ERCC6L2: variants seen among roughly 807,000 people sequenced by gnomAD.
The protein encoded by ERCC6L2 is ERCC excision repair 6 like 2, also known as DNA excision repair protein ERCC-6-like 2.
In ERCC6L2, 77 loss-of-function variants were observed where a neutral mutation model predicts 132.0. The observed-to-expected ratio is 0.58, with a 90% CI of 0.49 to 0.71. The LOEUF is 0.71. Ranked by LOEUF, ERCC6L2 falls within the 30% of genes least tolerant of loss-of-function variation. The pLI is 0.00. For synonymous variants in ERCC6L2, 583 were observed against 632.4 expected, an observed-to-expected ratio of 0.92 and a Z score of 1.17; for missense variants, 1,542 against 1,837.6, an observed-to-expected ratio of 0.84 and a Z score of 2.94.
At chr9:95,993,582 G>A (rs1350104834) in intron 17 of ERCC6L2, among the ~76,000 whole-genome samples, 2 of 152,178 alleles carry the variant, frequency 1.3e-5, no homozygotes, top group Non-Finnish European at 2.9e-5. Flanking sequence ...CTTGAACAAT[G>A]AGTCACCCCT....
At chr9:95,988,107 GC>G (rs1454347834) in intron 17 of ERCC6L2, among the ~76,000 whole-genome samples, 1 of 152,188 alleles carries the variant, frequency 6.6e-6, no homozygotes, top group African/African-American at 2.4e-5. Flanking sequence ...GGGCCTCAGG[GC>G]CTGTGATGGG....
At chr9:95,938,151 G>A (rs1830639789) in intron 11 of ERCC6L2, among the ~76,000 whole-genome samples, 1 of 151,610 alleles carries the variant, frequency 6.6e-6, no homozygotes, top group Non-Finnish European at 1.5e-5. Flanking sequence ...CTCCTGAAAT[G>A]TATTGCTAGT....
chr9:96,004,740 T>A lies in ERCC6L2; in HGVS notation c.3674+39T>A, dbSNP rs529342722. 2.4e-6 allele frequency: 3 copies of A among 1,230,258 alleles called. No individual in the cohort carries two copies. In the Admixed American group the frequency reaches 7.1e-5, roughly 29 times the overall value. 76.2% of individuals were successfully genotyped at this position (1,230,258 alleles called of 1,614,324 possible). A position where few individuals can be genotyped will look rare whatever the true frequency, so the allele number is the denominator to read the frequency against. On this transcript the variant is annotated intron_variant, in intron 18 of 18. Transcript: ENST00000653738. ...GACAATACTATACTTGAAGAATAAT[T>A]CTCAAAGGAAATGTAGCTCATTAGT...
chr9:95,944,472 T>G (rs1308965332), intron 12 of ERCC6L2, among the ~76,000 whole-genome samples: 1 of 152,200 alleles, frequency 6.6e-6, no homozygotes, highest in African/African-American at 2.4e-5. Context: ...CTGAATTTAC[T>G]TAATCCCGTT....
chr9:95,986,624 G>A (rs1392273572), intron 17 of ERCC6L2, among the ~76,000 whole-genome samples: 1 of 151,300 alleles, frequency 6.6e-6, no homozygotes, highest in Non-Finnish European at 1.5e-5. Context: ...AGCCTCCTGA[G>A]TAGCTGGGAC....
chr9:96,005,928 C>T (rs991505354), intron 18 of ERCC6L2, among the ~76,000 whole-genome samples: 4 of 151,994 alleles, frequency 2.6e-5, no homozygotes, highest in Admixed American at 6.5e-5. Flanking sequence ...TGGACTGGTT[C>T]GGGAAAGAAA....
intron 16 of ERCC6L2, among the ~76,000 whole-genome samples, chr9:95,976,529 GTCAGGTACCCTGTTGCTTCCTACTT>G (rs1420505322): frequency 4.6e-5 from 7 of 152,174 alleles, no homozygotes; most frequent in African/African-American, 1.4e-4. Context: ...TCTTAGGTCT[GTCAGGTACCCTGTTGCTTCCTACTT>G]TCACACAGAT....
intron 19 of ERCC6L2, among the ~76,000 whole-genome samples, chr9:96,032,228 C>T (rs1273675242): frequency 1.3e-5 from 2 of 152,158 alleles, no homozygotes; most frequent in Non-Finnish European, 2.9e-5. Flanking sequence ...GCCAGGGACC[C>T]CAGATCTGAA....
chr9:95,984,656 T>C (rs1248588536), intron 17 of ERCC6L2, among the ~76,000 whole-genome samples: 2 of 152,330 alleles, frequency 1.3e-5, no homozygotes, highest in South Asian at 4.1e-4. Flanking sequence ...TCTTTTCTAA[T>C]AAACTCTGAA....
downstream of ERCC6L2, among the ~76,000 whole-genome samples, chr9:96,018,641 T>C (rs1005977372): frequency 6.6e-6 from 1 of 151,848 alleles, no homozygotes; most frequent in African/African-American, 2.4e-5. Flanking sequence ...TTGCATTTTT[T>C]TTTTTTTTTT....
At chr9:95,986,489 T>G (rs1015384441) in intron 17 of ERCC6L2, among the ~76,000 whole-genome samples, 1 of 146,160 alleles carries the variant, frequency 6.8e-6, no homozygotes, top group Non-Finnish European at 1.5e-5. Context: ...TCTTCATATA[T>G]CTCTCTCCTT....
intron 4 of ERCC6L2, among the ~76,000 whole-genome samples, chr9:95,915,142 G>A (rs1829522222): frequency 6.6e-6 from 1 of 152,048 alleles, no homozygotes; most frequent in Non-Finnish European, 1.5e-5. Flanking sequence ...CCCAACATAT[G>A]CCTGAAATCA....
intron 19 of ERCC6L2, among the ~76,000 whole-genome samples, chr9:96,024,749 A>C (rs1035981505): frequency 1.3e-5 from 2 of 152,126 alleles, no homozygotes; most frequent in African/African-American, 4.8e-5. Context: ...CTTTGGTGTG[A>C]CTGCTTCCCG....
intron 6 of ERCC6L2, among the ~76,000 whole-genome samples, chr9:95,920,087 AGAAG>A (rs1829789395): frequency 6.6e-6 from 1 of 152,248 alleles, no homozygotes; most frequent in Middle Eastern, 3.2e-3. Flanking sequence ...AAATGGTGGA[AGAAG>A]GACTGGCACC....
Position 95,882,968 on chromosome 9 carries a change from C to G in ERCC6L2, c.471+1675C>G, listed in dbSNP as rs137986989. 8.7e-4 allele frequency among the ~76,000 whole-genome samples: 132 copies of G among 152,264 alleles called. 1 individual carries two copies. The highest frequency in any genetic ancestry group is 3.4e-3 in the Middle Eastern group (1 of 294). On this transcript the variant is annotated intron_variant, in intron 2 of 18. Transcript: ENST00000653738. ...CAAGAAATTACCTCTGAAACTGACC[C>G]AACAGTCCCACAGACAGTTTTGTTT...
intron 12 of ERCC6L2, among the ~76,000 whole-genome samples, chr9:95,952,274 C>A (rs1831373037): frequency 6.6e-6 from 1 of 151,304 alleles, no homozygotes; most frequent in Non-Finnish European, 1.5e-5. Flanking sequence ...AGCATTACCC[C>A]AATACCAAAA....
chr9:95,938,926 A>G (rs531715060), intron 11 of ERCC6L2, among the ~76,000 whole-genome samples: 14 of 151,544 alleles, frequency 9.2e-5, no homozygotes, highest in South Asian at 8.4e-4. Flanking sequence ...TTGTTTATGT[A>G]TAGTGTTTTT....
chr9:95,951,886 C>T (rs1242461576), intron 12 of ERCC6L2, among the ~76,000 whole-genome samples: 3 of 151,996 alleles, frequency 2.0e-5, no homozygotes, highest in Admixed American at 2.0e-4. Flanking sequence ...TTGCACCAAT[C>T]CAGCCAGGCA....
chr9:95,930,282 G>A (rs1830279504), intron 11 of ERCC6L2, among the ~76,000 whole-genome samples: 1 of 151,864 alleles, frequency 6.6e-6, no homozygotes, highest in Non-Finnish European at 1.5e-5. Flanking sequence ...CAAGACAAGG[G>A]AAAAAGTTTT....
Sources: allele counts gnomAD v4.1 joint callset (sites outside exome capture counted in the v4.1 genomes callset), GRCh38; gene constraint gnomAD v4.1.1; transcripts MANE v1.5; gene names NCBI Gene and HGNC (gene_info 2026-07-23, HGNC 2026-07-21).